Variants in IQCK observed in about 807,000 individuals in gnomAD.
IQCK encodes IQ domain-containing protein K.
In IQCK, 29 loss-of-function variants were observed where a neutral mutation model predicts 28.1. The observed-to-expected ratio is 1.03, with a 90% confidence interval of 0.77 to 1.41. IQCK has a LOEUF of 1.41. IQCK is among the 40% of genes most tolerant of loss of function. The pLI is 0.00. For missense variants in IQCK, 359 were observed against 314.7 expected (o/e 1.14, Z -1.07); for synonymous variants, 113 against 115.1 (o/e 0.98, Z 0.12).
At chr16:19,722,649 C>T (rs902811701) in intron 1 of IQCK, among the ~76,000 whole-genome samples, 3 of 152,128 alleles carry the variant, frequency 2.0e-5, no homozygotes, top group South Asian at 2.1e-4. Flanking sequence ...CTGTTTTAGA[C>T]GCCAACAACT....
At chr16:19,856,381 T>A in intron 9 of IQCK, 106 bp from the exon 9 acceptor site, 1 of 841,990 alleles carries the variant, frequency 1.2e-6, no homozygotes, top group Non-Finnish European at 2.0e-6. Flanking sequence ...CACAGTGGGT[T>A]TTGGTGCAAC....
At chr16:19,851,222 CAAATCTGCTCTCTTTCCCAAACTTGCCA>C (rs2056477127) in intron 9 of IQCK, among the ~76,000 whole-genome samples, 1 of 152,080 alleles carries the variant, frequency 6.6e-6, no homozygotes, top group Non-Finnish European at 1.5e-5. Context: ...CAAACTTGCC[CAAATCTGCTCTCTTTCCCAAACTTGCCA>C]GATCAAAACA....
At chr16:19,820,397 C>T (rs553788286) in intron 7 of IQCK, among the ~76,000 whole-genome samples, 1 of 152,230 alleles carries the variant, frequency 6.6e-6, no homozygotes, top group Non-Finnish European at 1.5e-5. Flanking sequence ...CGCCTGTAAT[C>T]CCAGCACTTT....
chr16:19,718,939 G>A (rs542218172), intron 1 of IQCK, among the ~76,000 whole-genome samples: 7 of 152,294 alleles, frequency 4.6e-5, no homozygotes, highest in African/African-American at 1.4e-4. Context: ...GTAGGTAGTC[G>A]GTGGCCCACA....
At chr16:19,718,422 T>A in exon 1 of IQCK, 1 of 1,607,390 alleles carries the variant, frequency 6.2e-7, no homozygotes, top group Non-Finnish European at 8.5e-7. Context: ...TCCCGCGAGC[T>A]GCCTGTCTCG....
At chr16:19,721,427 T>G (rs1484308376) in intron 1 of IQCK, among the ~76,000 whole-genome samples, 1 of 152,186 alleles carries the variant, frequency 6.6e-6, no homozygotes, top group Admixed American at 6.5e-5. Context: ...CCCTCATCTT[T>G]CCAGTGACAA....
At chr16:19,763,230 A>G (rs1197224436) in intron 4 of IQCK, among the ~76,000 whole-genome samples, 1 of 152,220 alleles carries the variant, frequency 6.6e-6, no homozygotes, top group Non-Finnish European at 1.5e-5. Flanking sequence ...TCTTATAAGT[A>G]AGGTAGCAAA....
chr16:19,750,442 T>A (rs1048356066), intron 4 of IQCK, among the ~76,000 whole-genome samples: 1 of 149,150 alleles, frequency 6.7e-6, no homozygotes, highest in Non-Finnish European at 1.5e-5. Flanking sequence ...TAATGAGAAT[T>A]TTGTGTTTTT....
intron 9 of IQCK, among the ~76,000 whole-genome samples, chr16:19,850,405 T>C (rs1224529708): frequency 6.6e-6 from 1 of 152,208 alleles, no homozygotes; most frequent in Non-Finnish European, 1.5e-5. Context: ...TGTCAAGGGC[T>C]TCATAAGTAC....
chr16:19,733,565 G>C (rs575856070), intron 2 of IQCK, 133 bp from the exon 3 acceptor site: 32 of 964,054 alleles, frequency 3.3e-5, no homozygotes, highest in Admixed American at 7.2e-5. Flanking sequence ...GGGAGACAAA[G>C]ATCTGTGCTC....
chr16:19,831,931 G>A (rs1023432850), downstream of IQCK, among the ~76,000 whole-genome samples: 2 of 152,084 alleles, frequency 1.3e-5, no homozygotes, highest in Non-Finnish European at 2.9e-5. Context: ...GATGGAAGCG[G>A]TGTGAAGTTA....
chr16:19,799,582 T>TTATATA (rs1160831482), intron 7 of IQCK, among the ~76,000 whole-genome samples: 10 of 116,782 alleles, frequency 8.6e-5, no homozygotes, highest in African/African-American at 4.1e-4. Flanking sequence ...ATATTTTATT[T>TTATATA]TATATATATA....
rs563034900 is a variant in IQCK at position 19,853,300 on chromosome 16, G to A, written c.803-3187G>A. ...ACCTTGATTTCCAGCCCGTCAACTC[G>A]AGATAACACCTCTCGGTCCTCCCCC... On this transcript the variant is annotated intron_variant, in intron 9 of 9. Coordinates refer to the IQCK transcript ENST00000320394. 5.2e-4 allele frequency among the ~76,000 whole-genome samples: 79 copies of A among 152,204 alleles called. 1 individual carries two copies. Among genetic ancestry groups the A allele is most frequent in the Middle Eastern group, 3.4e-3 (1 of 294 alleles).
chr16:19,724,064 G>A (rs972322009), intron 1 of IQCK, among the ~76,000 whole-genome samples: 2 of 151,974 alleles, frequency 1.3e-5, no homozygotes, highest in African/African-American at 2.4e-5. Flanking sequence ...CAAGCACTTC[G>A]GTACCACTGT....
chr16:19,720,706 A>G (rs776456213), intron 1 of IQCK, among the ~76,000 whole-genome samples: 1 of 152,210 alleles, frequency 6.6e-6, no homozygotes, highest in African/African-American at 2.4e-5. Context: ...AATTGATGCC[A>G]CTTTTAAAAT....
intron 6 of IQCK, among the ~76,000 whole-genome samples, chr16:19,767,802 C>A (rs557170005): frequency 7.9e-5 from 12 of 151,974 alleles, no homozygotes; most frequent in African/African-American, 2.9e-4. Context: ...TCCCCTACCC[C>A]CTTCTTCCCT....
intron 6 of IQCK, among the ~76,000 whole-genome samples, chr16:19,776,786 T>C (rs2055401969): frequency 6.6e-6 from 1 of 152,198 alleles, no homozygotes; most frequent in Admixed American, 6.5e-5. Flanking sequence ...TTTTTGTTCT[T>C]ACCTTTTAAC....
intron 9 of IQCK, among the ~76,000 whole-genome samples, chr16:19,833,483 T>C (rs890092488): frequency 1.3e-5 from 2 of 152,236 alleles, no homozygotes; most frequent in Non-Finnish European, 2.9e-5. Context: ...ATTAATGATT[T>C]ATTGTGTCCT....
intron 3 of IQCK, among the ~76,000 whole-genome samples, chr16:19,734,185 T>C (rs1023328196): frequency 5.3e-5 from 8 of 151,688 alleles, no homozygotes; most frequent in African/African-American, 1.9e-4. Context: ...CATCTCTACA[T>C]CTCTACAAAA....
Sources: gnomAD v4.1 joint callset for allele counts (sites outside exome capture counted in the v4.1 genomes callset) on GRCh38, gnomAD v4.1.1 for gene constraint, MANE v1.5 for transcripts, NCBI Gene and HGNC (gene_info 2026-07-23, HGNC 2026-07-21) for gene names.